ATP1A4: variants seen among roughly 807,000 people sequenced by gnomAD.
ATP1A4 encodes sodium/potassium-transporting ATPase subunit alpha-4.
In ATP1A4, 90 loss-of-function variants were observed where a neutral mutation model predicts 114.3. That is an observed-to-expected ratio of 0.79 (90% confidence interval 0.66 to 0.94). The LOEUF (loss-of-function observed/expected upper bound fraction) is 0.94, where lower values mean the gene tolerates loss of function less well. Among genes scored for constraint, ATP1A4 ranks in the 40% least tolerant of loss-of-function variants. ATP1A4 has a pLI of 0.00. For missense variants in ATP1A4, 1,222 were observed against 1,313.6 expected, an observed-to-expected ratio of 0.93 and a Z score of 1.08; for synonymous variants, 511 against 494.1, an observed-to-expected ratio of 1.03 and a Z score of -0.45.
At chr1:160,168,714 C>T (rs892246455) in intron 10 of ATP1A4, among the ~76,000 whole-genome samples, 3 of 152,150 alleles carry the variant, frequency 2.0e-5, no homozygotes, top group East Asian at 1.9e-4. Flanking sequence ...CTGAATTACT[C>T]ATCGTTTTAC....
chr1:160,157,921 G>C (rs1339422842), intron 4 of ATP1A4, among the ~76,000 whole-genome samples: 1 of 152,102 alleles, frequency 6.6e-6, no homozygotes. Flanking sequence ...TCCTAGGCAC[G>C]GGACTGGAAA....
At position 160,174,185 on chromosome 1, in the gene ATP1A4, A is replaced by G; in HGVS notation, c.2066A>G (p.Gln689Arg). The G allele has an allele frequency of 1.2e-6, 2 of 1,614,218 alleles. No homozygotes were observed. The highest frequency in any genetic ancestry group is 1.1e-5 in the South Asian group (1 of 91,082). ...TCCAAGCAGCTTGATCAGATCCTCC[A>G]GAACCACCCTGAGATCGTGTTTGCT... is the stretch of plus-strand genomic sequence containing the variant. ...IQSKQLDQIL[Q>R]NHPEIVFART... Residue 689 changes from glutamine (Q) to arginine (R), a missense_variant, in exon 14 of 22, where the codon CAG becomes CGG. Physicochemically the swap from Gln to Arg is conservative, Grantham distance 43. Coordinates refer to ENST00000368081, the MANE Select transcript of ATP1A4 (RefSeq NM_144699.4).
At chr1:160,174,821 T>C (rs921395266) in intron 15 of ATP1A4, 74 bp downstream of exon 15, 3 of 1,587,788 alleles carry the variant, frequency 1.9e-6, no homozygotes, top group Non-Finnish European at 2.6e-6. Context: ...ATCCCCTCTT[T>C]CCGTTTTCCC....
chr1:160,171,249 A>G lies in ATP1A4; in HGVS notation c.1492-2A>G. 2 of 1,613,050 alleles carry G rather than the reference A, an allele frequency of 1.2e-6. No individual in the cohort carries two copies. Among genetic ancestry groups the G allele is most frequent in the Non-Finnish European group, 1.7e-6 (2 of 1,179,236 alleles). ...CATCAGTGCTCCCTTTGCTCTCCCT[A>G]GATGTCCATCCACCTTCGGGAGGAC... is the stretch of plus-strand genomic sequence containing the variant. On this transcript the variant is annotated splice_acceptor_variant, in intron 10 of 21. Transcript: ENST00000368081. LOFTEE classifies it high-confidence loss of function.
In ATP1A4 at chr1:160,171,662, G is replaced by A; in HGVS notation, c.1759G>A (p.Asp587Asn). 2 of 1,614,052 alleles carry A rather than the reference G, an allele frequency of 1.2e-6. No homozygotes were observed. The highest frequency in any genetic ancestry group is 1.6e-4 in the Middle Eastern group (1 of 6,062). The part of the protein sequence containing the change: ...FNTDEINFPM[D>N]NLCFVGLISM... ...TACAGATGAAATAAATTTCCCCATG[G>A]ACAACCTTTGTTTTGTGGGCCTCAT... The change falls in exon 12 of 22, where the codon GAC becomes AAC. Residue 587 changes from aspartate (D) to asparagine (N), a missense_variant. Coordinates refer to ENST00000368081, the MANE Select transcript of ATP1A4 (RefSeq NM_144699.4).
chr1:160,182,609 AC>A (rs1284060221), intron 20 of ATP1A4: 1 of 152,904 alleles, frequency 6.5e-6, no homozygotes, highest in Non-Finnish European at 1.5e-5. Flanking sequence ...ACCCAACCCA[AC>A]TTGCATAGGT....
chr1:160,176,026 C>G, intron 15 of ATP1A4, 66 bp from the exon 16 acceptor site: 1 of 1,557,088 alleles, frequency 6.4e-7, no homozygotes, highest in Admixed American at 1.7e-5. Context: ...CTGTCTGTCC[C>G]GGAGCTGGTT....
At position 160,164,398 on chromosome 1, in the gene ATP1A4, C is replaced by T; in HGVS notation, c.1021C>T (p.Pro341Ser). 2 of 1,614,106 alleles carry T rather than the reference C, an allele frequency of 1.2e-6. No individual in the cohort carries two copies. Among genetic ancestry groups the T allele is most frequent in the Non-Finnish European group, 1.7e-6 (2 of 1,179,994 alleles). Residue 341 changes from proline (P) to serine (S), a missense_variant, in exon 7 of 22, where the codon CCT becomes TCT. Coordinates refer to ENST00000368081, the MANE Select transcript of ATP1A4 (RefSeq NM_144699.4). Reference protein sequence around the residue: ...FLIGIIVANVPEGLLATVTVC... With the variant: ...FLIGIIVANVSEGLLATVTVC... ...CATTGGCATCATTGTGGCCAATGTG[C>T]CTGAGGGGCTGTTGGCCACAGTCAC...
At chr1:160,159,161 G>T in intron 5 of ATP1A4, 25 bp downstream of exon 5, 1 of 1,610,984 alleles carries the variant, frequency 6.2e-7, no homozygotes, top group African/African-American at 1.3e-5. Context: ...AAAGCTATGT[G>T]AGGGACCCAA....
chr1:160,159,343 T>G, intron 5 of ATP1A4, 66 bp from the exon 6 acceptor site: 2 of 1,446,470 alleles, frequency 1.4e-6, no homozygotes, highest in Admixed American at 2.1e-5. Context: ...AGACATACTA[T>G]TTTTGTAAAT....
intron 10 of ATP1A4, 121 bp from the exon 11 acceptor site, chr1:160,171,130 G>A (rs545293737): frequency 2.3e-6 from 2 of 879,776 alleles, no homozygotes; most frequent in South Asian, 3.8e-5. Context: ...GGGGAGGGGA[G>A]GGAACAAAAG....
rs1653265320 is a variant in ATP1A4, at chr1:160,171,645, A to G, written c.1742A>G (p.Glu581Gly). 1 of 1,614,054 alleles carries G rather than the reference A, an allele frequency of 6.2e-7. No homozygotes were observed. The highest frequency in any genetic ancestry group is 1.3e-5 in the African/African-American group (1 of 74,918). Reference sequence around the variant, plus strand: ...AAGGGATTCCCATTTAATACAGATGAAATAAATTTCCCCATGGACAACCTT... The same window carrying G: ...AAGGGATTCCCATTTAATACAGATGGAATAAATTTCCCCATGGACAACCTT... The part of the protein sequence containing the change: ...FSKGFPFNTD[E>G]INFPMDNLCF... The change falls in exon 12 of 22, where the codon GAA becomes GGA. Residue 581 changes from glutamate to glycine, a missense_variant. By Grantham distance (98) the Glu-to-Gly change is moderately conservative. Coordinates refer to ENST00000368081, the MANE Select transcript of ATP1A4 (RefSeq NM_144699.4).
chr1:160,169,708 G>A (rs1485880308), intron 10 of ATP1A4: 1 of 152,072 alleles, frequency 6.6e-6, no homozygotes, highest in Non-Finnish European at 1.5e-5. Flanking sequence ...ATCACAAGAG[G>A]AACCCCATGG....
chr1:160,166,868 G>C, intron 8 of ATP1A4, 100 bp from the exon 9 acceptor site: 1 of 1,495,938 alleles, frequency 6.7e-7, no homozygotes, highest in Middle Eastern at 1.7e-4. Context: ...GAAAAGAAAT[G>C]CTGCTCCTGT....
chr1:160,171,290 G>GT lies in ATP1A4; in HGVS notation c.1532dup (p.Leu512ThrfsTer29). 1 of 1,613,946 alleles carries GT rather than the reference G, an allele frequency of 6.2e-7. No homozygotes were observed. Among genetic ancestry groups the GT allele is most frequent in the Non-Finnish European group, 8.5e-7 (1 of 1,179,930 alleles). On this transcript the variant is annotated frameshift_variant, in exon 11 of 22. Transcript: ENST00000368081. LOFTEE classifies it high-confidence loss of function. ...TCGGGAGGACAGCTCCCAGACCCAC[G>GT]TACTGATGATGAAGGGTGCTCCGGA...
intron 12 of ATP1A4, 126 bp downstream of exon 12, chr1:160,171,883 T>A: frequency 2.1e-6 from 2 of 957,476 alleles, no homozygotes; most frequent in Non-Finnish European, 3.0e-6. Context: ...TTCCTTGGGC[T>A]TATGATTTTT....
At chr1:160,157,842 G>T (rs566336056) in intron 4 of ATP1A4, among the ~76,000 whole-genome samples, 2 of 152,132 alleles carry the variant, frequency 1.3e-5, no homozygotes. Context: ...TTCTCTGAAA[G>T]TTTAAAATTA....
intron 5 of ATP1A4, 61 bp downstream of exon 5, chr1:160,159,197 C>A: frequency 6.4e-7 from 1 of 1,572,510 alleles, no homozygotes; most frequent in Non-Finnish European, 8.6e-7. Flanking sequence ...AGGGTAGACA[C>A]CTGGGCCGTT....
At chr1:160,186,553 G>A (rs1358971795) in intron 21 of ATP1A4, 118 bp from the exon 22 acceptor site, 13 of 1,235,368 alleles carry the variant, frequency 1.1e-5, no homozygotes, top group African/African-American at 1.5e-5. Flanking sequence ...CTGACCCTCA[G>A]TGCCCTGTGT....
Sources: gnomAD v4.1 joint callset for allele counts (sites outside exome capture counted in the v4.1 genomes callset) on GRCh38, gnomAD v4.1.1 for gene constraint, MANE v1.5 for transcripts, NCBI Gene and HGNC (gene_info 2026-07-23, HGNC 2026-07-21) for gene names.